Variants in TMEM121 observed in about 807,000 individuals in gnomAD.
TMEM121 encodes transmembrane protein 121, also known as transmembrane protein 121A.
TMEM121 carries 8 observed loss-of-function variants against 16.4 expected under a neutral mutation model. The observed-to-expected ratio is 0.49, with a 90% CI of 0.29 to 0.88. The LOEUF (loss-of-function observed/expected upper bound fraction) is 0.88, where lower values mean the gene tolerates loss of function less well. TMEM121 is among the 40% of genes least tolerant of loss of function. The pLI is 0.09. For synonymous variants in TMEM121, 235 were observed against 226.2 expected (o/e 1.04, Z -0.35); for missense variants, 401 against 462.0 (o/e 0.87, Z 1.21).
chr14:105,528,981 C>A lies in TMEM121; in HGVS notation c.147C>A (p.Asp49Glu), dbSNP rs782177220. ...IGVCIIVLVG[D>E]VCFLLVLRYV... ...TGTGCATCATCGTGCTGGTGGGCGA[C>A]GTGTGCTTCCTGCTGGTGCTGCGCT... The change falls in exon 2 of 2, where the codon GAC becomes GAA. Residue 49 changes from aspartate to glutamate, a missense_variant. By Grantham distance (45) the Asp-to-Glu change is conservative. Transcript: ENST00000392519. The A allele has an allele frequency of 6.2e-7, 1 of 1,611,772 alleles. No homozygotes were observed. Among genetic ancestry groups the A allele is most frequent in the Admixed American group, 1.7e-5 (1 of 59,848 alleles).
At chr14:105,527,846 G>T (rs2084601488) in intron 1 of TMEM121, among the ~76,000 whole-genome samples, 1 of 152,106 alleles carries the variant, frequency 6.6e-6, no homozygotes, top group East Asian at 1.9e-4. Context: ...GTGTGCACAG[G>T]CCCAGGTGCG....
Position 105,530,047 on chromosome 14 carries a change from G to GC in TMEM121, c.*253_*254insC. Reference sequence around the variant, plus strand: ...AGGCCTGGGCCGGAGCAGAGCAGAGGTGATCCGGCCCCTGCCTGCTGGGCC... The same window carrying GC: ...AGGCCTGGGCCGGAGCAGAGCAGAGGCTGATCCGGCCCCTGCCTGCTGGGCC... On this transcript the variant is annotated 3_prime_UTR_variant, in exon 2 of 2. Transcript: ENST00000392519. 1 of 456,402 alleles carries GC rather than the reference G, an allele frequency of 2.2e-6. No individual in the cohort carries two copies. The highest frequency in any genetic ancestry group is 3.9e-6 in the Non-Finnish European group (1 of 257,302). The allele number at this position is 456,402 out of a possible 1,614,324, so 28.3% of individuals were successfully genotyped here.
Position 105,529,483 on chromosome 14 carries a change from T to G in TMEM121, c.649T>G (p.Tyr217Asp). The G allele has an allele frequency of 6.5e-7, 1 of 1,544,714 alleles. No homozygotes were observed. Among genetic ancestry groups the G allele is most frequent in the Admixed American group, 2.0e-5 (1 of 50,980 alleles). ...EHIAPQKMMLYPVLSLATVNV... is the reference protein window; with the variant it reads ...EHIAPQKMMLDPVLSLATVNV... Reference sequence around the variant, plus strand: ...CATAGCGCCGCAGAAGATGATGCTGTACCCGGTGCTCAGCCTCGCCACCGT... The same window carrying G: ...CATAGCGCCGCAGAAGATGATGCTGGACCCGGTGCTCAGCCTCGCCACCGT... The change falls in exon 2 of 2, where the codon TAC becomes GAC. Residue 217 changes from tyrosine (Y) to aspartate (D), a missense_variant. Coordinates refer to ENST00000392519, the MANE Select transcript of TMEM121 (RefSeq NM_025268.4).
At position 105,526,750 on chromosome 14, in the gene TMEM121, CTG is replaced by C. The variant is rs1555443839; in HGVS notation, c.-114+100_-114+101del. On this transcript the variant is annotated intron_variant, in intron 1 of 1. Coordinates refer to ENST00000392519, the MANE Select transcript of TMEM121 (RefSeq NM_025268.4). This position sits in a 1 kb window ranked among gnomAD's most constrained non-coding sequence, Gnocchi z 6.8. ...ACCCTGCACCTCTGGGCCGTGGGGA[CTG>C]TGGGGTGGGGCGGGGGCCGATGCGG... The C allele has an allele frequency of 2.3e-5, 2 of 85,366 alleles. No individual in the cohort carries two copies. Among genetic ancestry groups the C allele is most frequent in the African/African-American group, 9.1e-5 (2 of 21,862 alleles). The allele number at this position is 85,366 out of a possible 1,614,324, so 5.3% of individuals were successfully genotyped here.
chr14:105,527,309 C>A (rs1020596175), intron 1 of TMEM121: 1 of 152,234 alleles, frequency 6.6e-6, no homozygotes, highest in Non-Finnish European at 1.5e-5. Context: ...TTATTTGGCC[C>A]CGCCACGCGC....
rs2141833678 is a variant in TMEM121, at chr14:105,529,830, G to T, written c.*36G>T. 2 of 1,380,682 alleles carry T rather than the reference G, an allele frequency of 1.4e-6. No individual in the cohort carries two copies. Among genetic ancestry groups the T allele is most frequent in the African/African-American group, 1.5e-5 (1 of 65,142 alleles). 85.5% of individuals were successfully genotyped at this position (1,380,682 alleles called of 1,614,324 possible). ...GCGGCCCCCGACACGCCCCTGGGGC[G>T]CAGAGACACCGGGTTGGCTTGGGGC... On this transcript the variant is annotated 3_prime_UTR_variant, in exon 2 of 2. Transcript: ENST00000392519.
Position 105,529,785 on chromosome 14 carries a change from G to A in TMEM121, c.951G>A (p.Leu317=), listed in dbSNP as rs1190278295. 2 of 1,452,266 alleles carry A rather than the reference G, an allele frequency of 1.4e-6. No individual in the cohort carries two copies. Among genetic ancestry groups the A allele is most frequent in the East Asian group, 2.6e-5 (1 of 38,046 alleles). The allele number at this position is 1,452,266 out of a possible 1,614,324, so 90.0% of individuals were successfully genotyped here. The part of the protein sequence containing the change: ...PHMSSPTRDP[L]DT ...TGTCCTCGCCCACGCGTGACCCCCT[G>A]GACACGTGACAGGGCCCGCGCGGCC... The change falls in exon 2 of 2, where the codon CTG becomes CTA. Residue 317 remains leucine (L), a synonymous_variant. Coordinates refer to ENST00000392519, the MANE Select transcript of TMEM121 (RefSeq NM_025268.4).
chr14:105,528,953 G>T lies in TMEM121; in HGVS notation c.119G>T (p.Gly40Val). 1.2e-6 allele frequency: 2 copies of T among 1,608,616 alleles called. No individual in the cohort carries two copies. The highest frequency in any genetic ancestry group is 2.2e-5 in the East Asian group (1 of 44,572). The change falls in exon 2 of 2, where the codon GGC (glycine) becomes GTC (valine). Residue 40 changes from glycine to valine, a missense_variant. By Grantham distance (109) the Gly-to-Val change is moderately radical. Coordinates refer to ENST00000392519, the MANE Select transcript of TMEM121 (RefSeq NM_025268.4). Reference sequence around the variant, plus strand: ...CAGAACCAGGGCCCGCGCAAGATCGGCGTGTGCATCATCGTGCTGGTGGGC... The same window carrying T: ...CAGAACCAGGGCCCGCGCAAGATCGTCGTGTGCATCATCGTGCTGGTGGGC... ...VEQNQGPRKI[G>V]VCIIVLVGDV...
Position 105,529,538 on chromosome 14 carries a change from C to G in TMEM121, c.704C>G (p.Ala235Gly), listed in dbSNP as rs1555444292. The change falls in exon 2 of 2, where the codon GCC becomes GGC. Residue 235 changes from alanine to glycine, a missense_variant. Coordinates refer to ENST00000392519, the MANE Select transcript of TMEM121 (RefSeq NM_025268.4). ...VNVVAVLARA[A>G]NMALFRDSRV... ...GTGGTGGCCGTGCTGGCGCGCGCCG[C>G]CAACATGGCGCTGTTCCGGGACAGC... 5 of 1,542,936 alleles carry G rather than the reference C, an allele frequency of 3.2e-6. No homozygotes were observed. In the Admixed American group the frequency reaches 9.8e-5, roughly 30 times the overall value.
At chr14:105,527,687 G>C (rs2084600271) in intron 1 of TMEM121, among the ~76,000 whole-genome samples, 1 of 152,018 alleles carries the variant, frequency 6.6e-6, no homozygotes, top group South Asian at 2.1e-4. Context: ...GACTGTCACG[G>C]GGACATTAAA....
intron 1 of TMEM121, 78 bp from the exon 2 acceptor site, chr14:105,528,644 C>A: frequency 3.1e-6 from 1 of 327,486 alleles, no homozygotes; most frequent in Non-Finnish European, 4.0e-6. Context: ...GGGAAGCACG[C>A]GGGGTGCGGG....
Position 105,529,138 on chromosome 14 carries a change from C to A in TMEM121, c.304C>A (p.Arg102Ser), listed in dbSNP as rs1555444180. The A allele has an allele frequency of 6.2e-7, 1 of 1,603,112 alleles. No individual in the cohort carries two copies. The highest frequency in any genetic ancestry group is 8.5e-7 in the Non-Finnish European group (1 of 1,176,786). The change falls in exon 2 of 2, where the codon CGC (arginine) becomes AGC (serine). Residue 102 changes from arginine (R) to serine (S), a missense_variant. Arg to Ser is a moderately radical substitution (Grantham distance 110, BLOSUM62 -1). Transcript: ENST00000392519. ...CTTCCAGAACTACAAGGCGGCGCGG[C>A]GCGGCGCGGCGGACCCCGTGGCGCG... ...FIFQNYKAARRGAADPVARKA... is the reference protein window; with the variant it reads ...FIFQNYKAARSGAADPVARKA...
rs2084590186 is a variant in TMEM121, at chr14:105,526,670, G to A, written c.-114+17G>A. On this transcript the variant is annotated intron_variant, in intron 1 of 1. Coordinates refer to ENST00000392519, the MANE Select transcript of TMEM121 (RefSeq NM_025268.4). This position sits in a 1 kb window ranked among gnomAD's most constrained non-coding sequence, Gnocchi z 6.8. ...GGCGGCGGGGTAGGCGCGGGCGCGG[G>A]CGGGACTGGCTGGGTGCGCGGCTGC... 1.3e-5 allele frequency: 2 copies of A among 149,816 alleles called. No homozygotes were observed. Among genetic ancestry groups the A allele is most frequent in the Admixed American group, 6.7e-5 (1 of 15,022 alleles). The allele number at this position is 149,816 out of a possible 1,614,324, so 9.3% of individuals were successfully genotyped here. A position where few individuals can be genotyped will look rare whatever the true frequency, so the allele number is the denominator to read the frequency against.
chr14:105,529,169 C>A lies in TMEM121; in HGVS notation c.335C>A (p.Ala112Glu). 1.3e-6 allele frequency: 2 copies of A among 1,589,218 alleles called. No individual in the cohort carries two copies. Among genetic ancestry groups the A allele is most frequent in the Non-Finnish European group, 1.7e-6 (2 of 1,170,410 alleles). ...GCGGCGGACCCCGTGGCGCGCAAGG[C>A]GCTGACGCTGCTGCTGTCTGTGTGT... ...RGAADPVARK[A>E]LTLLLSVCVP... Residue 112 changes from alanine (A) to glutamate (E), a missense_variant, in exon 2 of 2, where the codon GCG becomes GAG. By Grantham distance (107) the Ala-to-Glu change is moderately radical. Coordinates refer to ENST00000392519, the MANE Select transcript of TMEM121 (RefSeq NM_025268.4).
At position 105,529,693 on chromosome 14, in the gene TMEM121, C is replaced by G. The variant is rs940392282; in HGVS notation, c.859C>G (p.Pro287Ala). The part of the protein sequence containing the change: ...PALSLELQPP[P>A]PQRNSVPPPP... ...GCTATCACTGGAGCTGCAGCCGCCACCCCCGCAGCGCAACTCGGTGCCGCC... is the reference window on the plus strand; with the variant it reads ...GCTATCACTGGAGCTGCAGCCGCCAGCCCCGCAGCGCAACTCGGTGCCGCC... Residue 287 changes from proline to alanine, a missense_variant, in exon 2 of 2, where the codon CCC (proline) becomes GCC (alanine). By Grantham distance (27) the Pro-to-Ala change is conservative (BLOSUM62 -1). Transcript: ENST00000392519. The G allele has an allele frequency of 1.3e-6, 2 of 1,544,678 alleles. No individual in the cohort carries two copies. The highest frequency in any genetic ancestry group is 1.4e-5 in the African/African-American group (1 of 71,500).
Position 105,529,113 on chromosome 14 carries a change from C to G in TMEM121, c.279C>G (p.Ile93Met). 7 of 1,610,924 alleles carry G rather than the reference C, an allele frequency of 4.3e-6. No individual in the cohort carries two copies. Among genetic ancestry groups the G allele is most frequent in the Non-Finnish European group, 5.9e-6 (7 of 1,179,666 alleles). ...IFVLEIKLYF[I>M]FQNYKAARRG... ...TGCTGGAGATCAAGCTCTACTTCAT[C>G]TTCCAGAACTACAAGGCGGCGCGGC... The change falls in exon 2 of 2, where the codon ATC becomes ATG. Residue 93 changes from isoleucine (I) to methionine (M), a missense_variant. Physicochemically the swap from Ile to Met is conservative, Grantham distance 10. Coordinates refer to ENST00000392519, the MANE Select transcript of TMEM121 (RefSeq NM_025268.4).
chr14:105,529,481 T>A lies in TMEM121; in HGVS notation c.647T>A (p.Leu216Gln), dbSNP rs375419705. Reference sequence around the variant, plus strand: ...CACATAGCGCCGCAGAAGATGATGCTGTACCCGGTGCTCAGCCTCGCCACC... The same window carrying A: ...CACATAGCGCCGCAGAAGATGATGCAGTACCCGGTGCTCAGCCTCGCCACC... ...GEHIAPQKMM[L>Q]YPVLSLATVN... Residue 216 changes from leucine (L) to glutamine (Q), a missense_variant, in exon 2 of 2, where the codon CTG (leucine) becomes CAG (glutamine). Physicochemically the swap from Leu to Gln is moderately radical, Grantham distance 113. Coordinates refer to ENST00000392519, the MANE Select transcript of TMEM121 (RefSeq NM_025268.4). 6.5e-7 allele frequency: 1 copy of A among 1,545,046 alleles called. No homozygotes were observed. The highest frequency in any genetic ancestry group is 8.7e-7 in the Non-Finnish European group (1 of 1,145,930).
Position 105,529,334 on chromosome 14 carries a change from T to A in TMEM121, c.500T>A (p.Leu167Gln). The change falls in exon 2 of 2, where the codon CTG becomes CAG. Residue 167 changes from leucine to glutamine, a missense_variant. Transcript: ENST00000392519. The part of the protein sequence containing the change: ...LLDLLDMQAS[L>Q]WEPPRSGLPL... The stretch of plus-strand genomic sequence containing the variant: ...GACCTGCTGGACATGCAGGCCAGCC[T>A]GTGGGAGCCGCCGCGCTCCGGGCTG... 6.5e-7 allele frequency: 1 copy of A among 1,539,070 alleles called. No individual in the cohort carries two copies. The highest frequency in any genetic ancestry group is 8.7e-7 in the Non-Finnish European group (1 of 1,146,402).
Position 105,529,564 on chromosome 14 carries a change from C to A in TMEM121, c.730C>A (p.Arg244Ser). Reference protein sequence around the residue: ...AANMALFRDSRVSAIFVGKNV... With the variant: ...AANMALFRDSSVSAIFVGKNV... ...CAACATGGCGCTGTTCCGGGACAGC[C>A]GTGTCTCGGCCATCTTCGTCGGCAA... The change falls in exon 2 of 2, where the codon CGT becomes AGT. Residue 244 changes from arginine to serine, a missense_variant. Arg to Ser is a moderately radical substitution (Grantham distance 110). Coordinates refer to ENST00000392519, the MANE Select transcript of TMEM121 (RefSeq NM_025268.4). 1 of 1,552,532 alleles carries A rather than the reference C, an allele frequency of 6.4e-7. No homozygotes were observed. Among genetic ancestry groups the A allele is most frequent in the Non-Finnish European group, 8.7e-7 (1 of 1,154,752 alleles).
Sources: allele counts gnomAD v4.1 joint callset (sites outside exome capture counted in the v4.1 genomes callset), GRCh38; gene constraint gnomAD v4.1.1; non-coding constraint Gnocchi (gnomAD v3.1); transcripts MANE v1.5; gene names NCBI Gene and HGNC (gene_info 2026-07-23, HGNC 2026-07-21).